CAPN9: variants seen among roughly 807,000 people sequenced by gnomAD.
CAPN9 encodes calpain 9.
CAPN9 carries 81 observed loss-of-function variants against 92.8 expected under a neutral mutation model. The ratio of observed to expected loss-of-function variants is 0.87; its 90% confidence interval spans 0.73 to 1.05. CAPN9 has a LOEUF of 1.05. CAPN9 is among the 50% of genes least tolerant of loss of function. The pLI is 0.00. For missense variants in CAPN9, 848 were observed against 866.2 expected (o/e 0.98, Z 0.26); for synonymous variants, 304 against 328.0 (o/e 0.93, Z 0.79).
intron 15 of CAPN9, 30 bp downstream of exon 15, chr1:230,791,958 G>T (rs1177931666): frequency 6.6e-7 from 1 of 1,521,944 alleles, no homozygotes; most frequent in African/African-American, 1.4e-5. Context: ...AGCAGAAATA[G>T]ACATGGATCC....
intron 17 of CAPN9, 181 bp from the exon 18 acceptor site, chr1:230,794,982 C>T (rs989805782): frequency 3.5e-5 from 20 of 578,936 alleles, no homozygotes; most frequent in Middle Eastern, 9.5e-4. Context: ...CACACTCTCA[C>T]GCTGCATTCA....
chr1:230,769,084 G>A (rs1666204475), intron 5 of CAPN9, 96 bp from the exon 6 acceptor site: 2 of 935,142 alleles, frequency 2.1e-6, no homozygotes, highest in African/African-American at 3.3e-5. Context: ...GAAGGGGCTG[G>A]AGGTTGTGAC....
At chr1:230,764,236 A>G (rs890583423) in intron 4 of CAPN9, among the ~76,000 whole-genome samples, 1 of 152,258 alleles carries the variant, frequency 6.6e-6, no homozygotes, top group Non-Finnish European at 1.5e-5. Context: ...GATTGCTGCC[A>G]CCAATGTGGA....
chr1:230,783,472 C>T (rs1667368289), intron 11 of CAPN9, among the ~76,000 whole-genome samples: 2 of 152,142 alleles, frequency 1.3e-5, no homozygotes, highest in African/African-American at 2.4e-5. Context: ...TGAGTGAATT[C>T]TTGTGAGATG....
chr1:230,773,638 C>G (rs1666537467), intron 7 of CAPN9, among the ~76,000 whole-genome samples: 1 of 152,164 alleles, frequency 6.6e-6, no homozygotes, highest in African/African-American at 2.4e-5. Flanking sequence ...CACCGCATGG[C>G]CAGCCTGTCA....
rs780593179 is a variant in CAPN9, at chr1:230,787,574, G to A, written c.1571G>A (p.Arg524Gln). ...DQETEEEQRF[R>Q]ALFEQVAGED... ...GAGACAGAGGAGGAGCAGCGGTTTC[G>A]GGCTCTGTTTGAACAAGTCGCTGGT... is the stretch of plus-strand genomic sequence containing the variant. Residue 524 changes from arginine to glutamine, a missense_variant, in exon 13 of 20, where the codon CGG becomes CAG. Coordinates refer to ENST00000271971, the MANE Select transcript of CAPN9 (RefSeq NM_006615.3). 43 of 1,613,870 alleles carry A rather than the reference G, an allele frequency of 2.7e-5. No homozygotes were observed. Among genetic ancestry groups the A allele is most frequent in the Non-Finnish European group, 3.5e-5 (41 of 1,179,962 alleles).
At chr1:230,785,888 C>G (rs1418406597) in intron 11 of CAPN9, 93 bp from the exon 12 acceptor site, 2 of 1,254,930 alleles carry the variant, frequency 1.6e-6, no homozygotes, top group Non-Finnish European at 2.3e-6. Context: ...TTCAAAGGGA[C>G]AGAACCTTCC....
intron 11 of CAPN9, 53 bp downstream of exon 11, chr1:230,780,761 C>A: frequency 6.9e-7 from 1 of 1,455,598 alleles, no homozygotes; most frequent in Non-Finnish European, 9.6e-7. Flanking sequence ...GGTTTATTCA[C>A]ACAGAAGTCA....
chr1:230,781,347 C>A (rs1667213824), intron 11 of CAPN9, among the ~76,000 whole-genome samples: 1 of 152,172 alleles, frequency 6.6e-6, no homozygotes, highest in African/African-American at 2.4e-5. Context: ...CAAGAAGCTT[C>A]TTGGATAAGA....
chr1:230,791,989 G>C, intron 15 of CAPN9, 61 bp downstream of exon 15: 1 of 1,196,552 alleles, frequency 8.4e-7, no homozygotes, highest in Non-Finnish European at 1.2e-6. Flanking sequence ...GCACAGTAGA[G>C]TAATCTTCAA....
At chr1:230,785,478 G>A (rs868654814) in intron 11 of CAPN9, among the ~76,000 whole-genome samples, 2 of 152,190 alleles carry the variant, frequency 1.3e-5, no homozygotes, top group Middle Eastern at 6.8e-3. Flanking sequence ...CTCATGGCTT[G>A]GTGCTGTCTT....
rs757753045 is a variant in CAPN9 at position 230,747,611 on chromosome 1, AGAGGCACCCTGTTT to A, written c.120_133del (p.Thr41CysfsTer14). The stretch of plus-strand genomic sequence containing the variant: ...GCAAATGAGGCAGGAGTGCCTGCAG[AGAGGCACCCTGTTT>A]GAGGATGCAGACTTCCCAGCCAGCA... On this transcript the variant is annotated frameshift_variant, in exon 1 of 20. Coordinates refer to ENST00000271971, the MANE Select transcript of CAPN9 (RefSeq NM_006615.3). LOFTEE classifies it high-confidence loss of function. The A allele has an allele frequency of 3.7e-6, 6 of 1,614,042 alleles. No individual in the cohort carries two copies. In the South Asian group the frequency reaches 6.6e-5, roughly 18 times the overall value.
chr1:230,779,350 T>TGG (rs765970851), intron 9 of CAPN9, among the ~76,000 whole-genome samples: 13 of 152,200 alleles, frequency 8.5e-5, no homozygotes, highest in Non-Finnish European at 1.5e-4. Context: ...TTACAAGTAA[T>TGG]GGAAAGCATG....
intron 8 of CAPN9, chr1:230,776,082 G>T (rs1207401296): frequency 6.6e-6 from 1 of 152,050 alleles, no homozygotes; most frequent in Non-Finnish European, 1.5e-5. Context: ...TAGACTGAGT[G>T]GCTTACAAAG....
intron 13 of CAPN9, among the ~76,000 whole-genome samples, chr1:230,789,031 T>G (rs1667795122): frequency 6.6e-6 from 1 of 152,112 alleles, no homozygotes; most frequent in African/African-American, 2.4e-5. Flanking sequence ...TTCTCTTTCC[T>G]CCTCTTTCAG....
chr1:230,772,178 G>T, intron 7 of CAPN9, 79 bp downstream of exon 7: 1 of 1,204,034 alleles, frequency 8.3e-7, no homozygotes, highest in South Asian at 1.2e-5. Context: ...ACATGTGAAG[G>T]AGTGGCCTGT....
chr1:230,781,560 G>A (rs764396076), intron 11 of CAPN9, among the ~76,000 whole-genome samples: 8 of 152,202 alleles, frequency 5.3e-5, no homozygotes, highest in Non-Finnish European at 8.8e-5. Flanking sequence ...TATGGAAAAT[G>A]TTTCCCATTA....
At chr1:230,761,708 C>G (rs1665654660) in intron 3 of CAPN9, among the ~76,000 whole-genome samples, 2 of 152,048 alleles carry the variant, frequency 1.3e-5, no homozygotes, top group African/African-American at 2.4e-5. Context: ...CTCTTTCAAC[C>G]CTTTTCTTTT....
intron 7 of CAPN9, 22 bp from the exon 8 acceptor site, chr1:230,774,532 C>T (rs748283113): frequency 1.3e-6 from 2 of 1,573,226 alleles, no homozygotes; most frequent in South Asian, 2.2e-5. Context: ...TCTGCCTGAA[C>T]ACCAATTTTG....
Sources: gnomAD v4.1 joint callset for allele counts (sites outside exome capture counted in the v4.1 genomes callset) on GRCh38, gnomAD v4.1.1 for gene constraint, MANE v1.5 for transcripts, NCBI Gene and HGNC (gene_info 2026-07-23, HGNC 2026-07-21) for gene names.